The following WDPCP variants were observed in gnomAD, a reference collection of about 807,000 sequenced individuals.
WDPCP encodes the protein WD repeat-containing and planar cell polarity effector protein fritz homolog.
Under a neutral mutation model 93.1 loss-of-function variants are expected in WDPCP, and 71 were observed. The ratio of observed to expected loss-of-function variants is 0.76; its 90% CI spans 0.63 to 0.93. WDPCP has a LOEUF of 0.93. Ranked by LOEUF, WDPCP falls within the 40% of genes least tolerant of loss-of-function variation. The pLI, the probability that WDPCP is intolerant of heterozygous loss-of-function variation, is 0.00. For synonymous variants in WDPCP, 315 were observed against 315.0 expected, an observed-to-expected ratio of 1.00 and a Z score of 0.00; for missense variants, 844 against 887.4, an observed-to-expected ratio of 0.95 and a Z score of 0.62.
At chr2:63,246,025 T>C (rs1680244771) in intron 14 of WDPCP, among the ~76,000 whole-genome samples, 1 of 152,132 alleles carries the variant, frequency 6.6e-6, no homozygotes, top group Non-Finnish European at 1.5e-5. Context: ...GAAATAAAAA[T>C]CTGACACCAG....
intron 3 of WDPCP, among the ~76,000 whole-genome samples, chr2:63,607,705 C>T (rs892276634): frequency 2.6e-5 from 4 of 151,482 alleles, no homozygotes; most frequent in Admixed American, 1.3e-4. Flanking sequence ...TGGCGGGCAC[C>T]TGTAGTCCCA....
intron 3 of WDPCP, chr2:63,622,031 C>T: frequency 1.4e-6 from 1 of 726,450 alleles, no homozygotes; most frequent in Non-Finnish European, 2.1e-6. Context: ...TCCCCCCTCC[C>T]CACTCCCCTC....
chr2:63,608,847 T>C (rs1216154412), intron 3 of WDPCP, among the ~76,000 whole-genome samples: 2 of 152,110 alleles, frequency 1.3e-5, no homozygotes, highest in Admixed American at 6.5e-5. Flanking sequence ...CATTTTATGA[T>C]GTAGAAAAGA....
chr2:63,311,484 G>C (rs947451957), intron 13 of WDPCP, among the ~76,000 whole-genome samples: 3 of 152,192 alleles, frequency 2.0e-5, no homozygotes, highest in African/African-American at 7.2e-5. Flanking sequence ...CTTTAAAGCA[G>C]ACCTTGGGCT....
intron 6 of WDPCP, among the ~76,000 whole-genome samples, chr2:63,466,900 A>G (rs1057364541): frequency 1.3e-5 from 2 of 152,202 alleles, no homozygotes; most frequent in African/African-American, 4.8e-5. Context: ...GGAAATTAAG[A>G]GTTTCTTTAA....
intron 3 of WDPCP, chr2:63,605,511 TG>T (rs1709511330): frequency 1.4e-6 from 1 of 734,316 alleles, no homozygotes; most frequent in African/African-American, 1.8e-5. Flanking sequence ...TCAGCTCAGC[TG>T]CCTATTAACA....
rs1707802273 is a variant in WDPCP at position 63,574,863 on chromosome 2, A to G, written c.75+13334T>C. ...AGAAATGCAAATTATGTCCTGTAAA[A>G]TGGAACTGATTATTTCTCAGTGGAT... On this transcript the variant is annotated intron_variant, in intron 1 of 17. Transcript: ENST00000272321. 2.6e-5 allele frequency among the ~76,000 whole-genome samples: 4 copies of G among 152,302 alleles called. No homozygotes were observed. In the South Asian group the frequency reaches 8.3e-4, roughly 32 times the overall value.
At chr2:63,629,162 C>T (rs1405585776) in intron 3 of WDPCP, among the ~76,000 whole-genome samples, 1 of 152,076 alleles carries the variant, frequency 6.6e-6, no homozygotes, top group Non-Finnish European at 1.5e-5. Context: ...AGAAAAAAGC[C>T]CATCATAAGT....
At chr2:63,741,591 A>T (rs972549803) in intron 2 of WDPCP, among the ~76,000 whole-genome samples, 1 of 149,352 alleles carries the variant, frequency 6.7e-6, no homozygotes, top group African/African-American at 2.5e-5. Context: ...CAATATTTGC[A>T]TTTTTTTTTC....
At chr2:63,441,590 G>A (rs1697508753) in intron 6 of WDPCP, 1 of 150,910 alleles carries the variant, frequency 6.6e-6, no homozygotes, top group Non-Finnish European at 1.5e-5. Flanking sequence ...AATGTTTGGA[G>A]AAAGAATCAC....
At chr2:63,784,704 A>G (rs1336116489) in intron 2 of WDPCP, among the ~76,000 whole-genome samples, 2 of 152,120 alleles carry the variant, frequency 1.3e-5, no homozygotes, top group Non-Finnish European at 2.9e-5. Context: ...CTCAATACAA[A>G]TTTAGCAATC....
chr2:63,444,687 G>A (rs1018469619), intron 6 of WDPCP, among the ~76,000 whole-genome samples: 2 of 152,174 alleles, frequency 1.3e-5, no homozygotes, highest in African/African-American at 4.8e-5. Context: ...GATCTGAACT[G>A]AAAAGACCCG....
chr2:63,310,818 C>A (rs11125961), intron 13 of WDPCP, among the ~76,000 whole-genome samples: 2 of 151,954 alleles, frequency 1.3e-5, no homozygotes, highest in Admixed American at 6.6e-5. Flanking sequence ...ATGATCACAC[C>A]ACTGCATTCC....
intron 2 of WDPCP, among the ~76,000 whole-genome samples, chr2:63,718,703 CTG>C (rs1471801847): frequency 6.6e-6 from 1 of 152,010 alleles, no homozygotes; most frequent in Non-Finnish European, 1.5e-5. Context: ...TGTAGGTTGT[CTG>C]TTTACTTTAT....
At chr2:63,618,349 C>T (rs1342074378) in intron 3 of WDPCP, among the ~76,000 whole-genome samples, 1 of 152,218 alleles carries the variant, frequency 6.6e-6, no homozygotes, top group Non-Finnish European at 1.5e-5. Context: ...GAAGTACAAT[C>T]GGCAACTAAG....
chr2:63,836,214 C>A, the WDPCP span, among the ~76,000 whole-genome samples: 1 of 152,166 alleles, frequency 6.6e-6, no homozygotes, highest in Non-Finnish European at 1.5e-5. Flanking sequence ...AAAATACATT[C>A]CCTGAGACTA....
intron 3 of WDPCP, chr2:63,622,375 T>G: frequency 6.2e-7 from 1 of 1,609,266 alleles, no homozygotes; most frequent in Non-Finnish European, 8.5e-7. Flanking sequence ...GTCACGTTGC[T>G]TTTGAACTGG....
intron 17 of WDPCP, among the ~76,000 whole-genome samples, chr2:63,135,904 A>C (rs974885392): frequency 3.3e-5 from 5 of 151,984 alleles, no homozygotes; most frequent in East Asian, 3.9e-4. Context: ...CTAATTAAAA[A>C]AAATTTTTTT....
intron 1 of WDPCP, among the ~76,000 whole-genome samples, chr2:63,560,947 G>T (rs916606493): frequency 6.6e-6 from 1 of 152,142 alleles, no homozygotes; most frequent in Non-Finnish European, 1.5e-5. Context: ...AAACCTGCAC[G>T]TTGTGCACAT....
Sources: gnomAD v4.1 joint callset for allele counts (sites outside exome capture counted in the v4.1 genomes callset) on GRCh38, gnomAD v4.1.1 for gene constraint, MANE v1.5 for transcripts, NCBI Gene and HGNC (gene_info 2026-07-23, HGNC 2026-07-21) for gene names.